APBA3: variants seen among roughly 807,000 people sequenced by gnomAD.
APBA3 encodes amyloid beta precursor protein binding family A member 3.
Under a neutral mutation model 55.9 loss-of-function variants are expected in APBA3, and 45 were observed. The ratio of observed to expected loss-of-function variants is 0.80; its 90% CI spans 0.63 to 1.03. The LOEUF is 1.03. Among genes scored for constraint, APBA3 ranks in the 50% least tolerant of loss-of-function variants. The probability of loss-of-function intolerance (pLI) is 0.00; values close to 1 mark genes in which losing one functional copy is unlikely to be tolerated. For missense variants in APBA3, 865 were observed against 820.3 expected (o/e 1.05, Z -0.67); for synonymous variants, 370 against 353.3 (o/e 1.05, Z -0.53).
chr19:3,753,149 C>T, intron 6 of APBA3, 159 bp from the exon 7 acceptor site: 1 of 826,148 alleles, frequency 1.2e-6, no homozygotes, highest in Middle Eastern at 2.9e-4. Flanking sequence ...GGTGGAGAGA[C>T]AGCCGCATCT....
chr19:3,752,056 A>T (rs573289112), intron 8 of APBA3, among the ~76,000 whole-genome samples: 1 of 152,206 alleles, frequency 6.6e-6, no homozygotes, highest in Non-Finnish European at 1.5e-5. Context: ...TCTACAAAAA[A>T]TAAAACAATA....
rs768846629 is a variant in APBA3, at chr19:3,760,234, A to C, written c.31T>G (p.Ser11Ala). Residue 11 changes from serine (S) to alanine (A), a missense_variant, in exon 2 of 11, where the codon TCG (serine) becomes GCG (alanine). Transcript: ENST00000316757. ...TCCAAGTCCATGGCTGGAGGCCCCG[A>C]AGGGGATCGGGAAATTGTGGGGAAG... is the stretch of plus-strand genomic sequence containing the variant. MDFPTISRSP[S>A]GPPAMDLEGP... 1 of 1,606,290 alleles carries C rather than the reference A, an allele frequency of 6.2e-7. No individual in the cohort carries two copies. Among genetic ancestry groups the C allele is most frequent in the South Asian group, 1.1e-5 (1 of 90,824 alleles).
At chr19:3,760,383 G>T in intron 1 of APBA3, 82 bp from the exon 2 acceptor site, 1 of 904,618 alleles carries the variant, frequency 1.1e-6, no homozygotes, top group South Asian at 1.8e-5. Context: ...GGGAGGCCCA[G>T]AAGGGCTGAC....
chr19:3,755,565 G>GGGGC (rs1555743094), intron 3 of APBA3: 3 of 130,682 alleles, frequency 2.3e-5, no homozygotes, highest in African/African-American at 8.2e-5. Context: ...AGGCCGGGGG[G>GGGGC]GGGGGGTGGA....
At chr19:3,752,119 AAGG>A (rs1369322211) in intron 8 of APBA3, among the ~76,000 whole-genome samples, 3 of 152,100 alleles carry the variant, frequency 2.0e-5, no homozygotes, top group Non-Finnish European at 2.9e-5. Flanking sequence ...GAGGCTGAGG[AAGG>A]AGATTTGCTT....
At chr19:3,758,074 A>G (rs1476672290) in intron 3 of APBA3, among the ~76,000 whole-genome samples, 1 of 151,962 alleles carries the variant, frequency 6.6e-6, no homozygotes, top group Non-Finnish European at 1.5e-5. Flanking sequence ...AGCTGGGATT[A>G]CAGGCGTGCA....
In APBA3 at chr19:3,759,895, A is replaced by G. The variant is rs781537603; in HGVS notation, c.370T>C (p.Ser124Pro). The change falls in exon 2 of 11, where the codon TCC becomes CCC. Residue 124 changes from serine (S) to proline (P), a missense_variant. Coordinates refer to ENST00000316757, the MANE Select transcript of APBA3 (RefSeq NM_004886.4). ...AGAGGCTCTTCAGGACCAGTCTGGG[A>G]AGGCGGGCATTCCTCGCAGTGCAAG... ...GLLHCEECPP[S>P]QTGPEEPLEP... The G allele has an allele frequency of 1.9e-6, 3 of 1,611,778 alleles. No homozygotes were observed. The Admixed American group carries it at 5.0e-5, about 27-fold the overall frequency.
At chr19:3,754,971 A>G (rs1273843707) in intron 3 of APBA3, 1 of 151,778 alleles carries the variant, frequency 6.6e-6, no homozygotes, top group East Asian at 1.9e-4. Context: ...TCCACCCCCC[A>G]CTCCAATTTC....
intron 3 of APBA3, among the ~76,000 whole-genome samples, chr19:3,759,143 C>A: frequency 6.6e-6 from 1 of 152,212 alleles, no homozygotes; most frequent in Middle Eastern, 3.4e-3. Flanking sequence ...GTGGGAGGAT[C>A]GCTTGAACCT....
At chr19:3,760,334 C>A in intron 1 of APBA3, 33 bp from the exon 2 acceptor site, 1 of 1,425,818 alleles carries the variant, frequency 7.0e-7, no homozygotes, top group Non-Finnish European at 9.3e-7. Flanking sequence ...TGAGGTTTCG[C>A]CCGGGTGCAG....
intron 10 of APBA3, 25 bp downstream of exon 10, chr19:3,751,164 T>C (rs1226228872): frequency 5.8e-6 from 9 of 1,553,942 alleles, no homozygotes; most frequent in Non-Finnish European, 7.8e-6. Flanking sequence ...GGGGCGCCCC[T>C]GGCCACCACC....
chr19:3,759,342 G>A (rs2037115432), intron 3 of APBA3, among the ~76,000 whole-genome samples: 1 of 152,216 alleles, frequency 6.6e-6, no homozygotes, highest in Non-Finnish European at 1.5e-5. Context: ...AGAACCCAGT[G>A]CTGCCAATGG....
chr19:3,757,264 AT>A (rs1005691945), intron 3 of APBA3, among the ~76,000 whole-genome samples: 1 of 151,898 alleles, frequency 6.6e-6, no homozygotes, highest in Admixed American at 6.6e-5. Flanking sequence ...TGCCTGGCTA[AT>A]TTTGGGGGGG....
rs560246494 is a variant in APBA3 at position 3,753,338 on chromosome 19, G to T, written c.1012-348C>A. 252 of 414,562 alleles carry T rather than the reference G, an allele frequency of 6.1e-4. 2 individuals are homozygous for T. The East Asian group carries it at 0.01, about 17-fold the overall frequency. 25.7% of individuals were successfully genotyped at this position (414,562 alleles called of 1,614,324 possible). A position where few individuals can be genotyped will look rare whatever the true frequency, so the allele number is the denominator to read the frequency against. On this transcript the variant is annotated intron_variant, in intron 6 of 10. Transcript: ENST00000316757. ...CGGGCAAGGTTTCGGGGAGTCGGCC[G>T]AGAGTCTTGGAGTCTTATAGGAGGC...
rs754909229 is a variant in APBA3 at position 3,751,112 on chromosome 19, C to T, written c.1657-15G>A. The T allele has an allele frequency of 4.9e-5, 77 of 1,564,268 alleles. No individual in the cohort carries two copies. In the South Asian group the frequency reaches 5.8e-4, roughly 12 times the overall value. On this transcript the variant is annotated splice_polypyrimidine_tract_variant and intron_variant, in intron 10 of 10. Coordinates refer to ENST00000316757, the MANE Select transcript of APBA3 (RefSeq NM_004886.4). Reference sequence around the variant, plus strand: ...TTGATATGCACCTGGGGAGTGGAGGCGGAACGGGGCTCAGGGCAGGCCTGG... The same window carrying T: ...TTGATATGCACCTGGGGAGTGGAGGTGGAACGGGGCTCAGGGCAGGCCTGG...
intron 6 of APBA3, 91 bp downstream of exon 6, chr19:3,753,674 G>A: frequency 8.1e-7 from 1 of 1,238,916 alleles, no homozygotes; most frequent in Non-Finnish European, 1.1e-6. Flanking sequence ...TAAGCTTATG[G>A]GAGGGAGGTT....
At position 3,754,273 on chromosome 19, in the gene APBA3, G is replaced by A; in HGVS notation, c.684C>T (p.Ser228=). The change falls in exon 4 of 11, where the codon TCC becomes TCT. Residue 228 remains serine (S), a synonymous_variant. Transcript: ENST00000316757. ...GGTTCCGTTCCGACACCAGCTGGGT[G>A]GACCCCAGGTACCTGGCCCCAAATA... ...GVIFGARYLG[S]TQLVSERNPP... is the part of the protein sequence containing the mutation. The A allele has an allele frequency of 6.5e-7, 1 of 1,550,290 alleles. No homozygotes were observed. The highest frequency in any genetic ancestry group is 8.7e-7 in the Non-Finnish European group (1 of 1,148,012).
chr19:3,758,537 G>A (rs1156665238), intron 3 of APBA3, among the ~76,000 whole-genome samples: 19 of 152,246 alleles, frequency 1.2e-4, no homozygotes, highest in Admixed American at 1.1e-3. Context: ...GGGATTACAC[G>A]TGTGAGCCAC....
Position 3,759,980 on chromosome 19 carries a change from C to T in APBA3, c.285G>A (p.Glu95=). Residue 95 remains glutamate, a synonymous_variant, in exon 2 of 11, where the codon GAG becomes GAA. Coordinates refer to ENST00000316757, the MANE Select transcript of APBA3 (RefSeq NM_004886.4). The stretch of plus-strand genomic sequence containing the variant: ...ACAGGAGCCCGTGGGCATCAGCAAT[C>T]TCCTGGGAGGCCAGGCCATGGCCTG... ...IATGHGLASQ[E]IADAHGLLSA... The T allele has an allele frequency of 3.1e-6, 5 of 1,610,540 alleles. No individual in the cohort carries two copies. The highest frequency in any genetic ancestry group is 4.2e-6 in the Non-Finnish European group (5 of 1,179,168).
Sources: allele counts gnomAD v4.1 joint callset (sites outside exome capture counted in the v4.1 genomes callset), GRCh38; gene constraint gnomAD v4.1.1; transcripts MANE v1.5; gene names NCBI Gene and HGNC (gene_info 2026-07-23, HGNC 2026-07-21).